AGBL1: variants seen among roughly 807,000 people sequenced by gnomAD.
AGBL1 encodes the protein AGBL carboxypeptidase 1, also known as cytosolic carboxypeptidase 4.
In AGBL1, 130 loss-of-function variants were observed where a neutral mutation model predicts 118.9. The ratio of observed to expected loss-of-function variants is 1.09; its 90% CI spans 0.95 to 1.26. AGBL1 has a LOEUF of 1.26. AGBL1 is among the 50% of genes most tolerant of loss of function. The pLI is 0.00. For missense variants in AGBL1, 1,584 were observed against 1,298.1 expected, an observed-to-expected ratio of 1.22 and a Z score of -3.38; for synonymous variants, 555 against 478.9, an observed-to-expected ratio of 1.16 and a Z score of -2.08.
chr15:86,213,021 A>G (rs12901395), intron 5 of AGBL1, among the ~76,000 whole-genome samples: 3 of 152,170 alleles, frequency 2.0e-5, no homozygotes, highest in African/African-American at 7.2e-5. Context: ...CACTACAAGG[A>G]TTCTGGGAAT....
intron 6 of AGBL1, among the ~76,000 whole-genome samples, chr15:86,236,785 G>T (rs1000331729): frequency 3.9e-5 from 6 of 151,940 alleles, no homozygotes; most frequent in Non-Finnish European, 7.4e-5. Flanking sequence ...GGAGGAGGGG[G>T]TATCTGATTT....
rs577717456 is a variant in AGBL1, at chr15:86,390,936, C to T, written c.2375-6430C>T. Among the ~76,000 whole-genome samples, 238 of 150,814 alleles carry T rather than the reference C, an allele frequency of 1.6e-3. 7 individuals are homozygous for T. In the South Asian group the frequency reaches 0.047, roughly 30 times the overall value. On this transcript the variant is annotated intron_variant, in intron 17 of 22. Transcript: ENST00000614907. ...CTGCCTGCCTTGGCCTCCCACAGTG[C>T]TGGTATTACAGGCGTGAGCCACCGT...
At chr15:86,844,995 A>G (rs2347240) in intron 22 of AGBL1, among the ~76,000 whole-genome samples, 116,765 of 151,994 alleles carry the variant, frequency 0.77, 44,829 homozygotes, top group African/African-American at 0.8. Context: ...AAAATCAGTT[A>G]AGCATATATG....
At chr15:86,887,175 A>G (rs867566388) in intron 22 of AGBL1, among the ~76,000 whole-genome samples, 8 of 152,214 alleles carry the variant, frequency 5.3e-5, no homozygotes, top group Admixed American at 1.3e-4. Flanking sequence ...ATGTAAAGGT[A>G]TATGTGTAAA....
intron 9 of AGBL1, 105 bp downstream of exon 9, chr15:86,258,136 G>T: frequency 8.6e-7 from 1 of 1,165,010 alleles, no homozygotes. Context: ...TTTAAGAACT[G>T]ACTTTAGTAC....
chr15:86,279,594 C>T (rs1419171446), intron 15 of AGBL1, 45 bp from the exon 16 acceptor site: 2 of 1,589,846 alleles, frequency 1.3e-6, no homozygotes, highest in East Asian at 4.5e-5. Context: ...GCACCCCCCT[C>T]CCACCTCTCC....
At chr15:86,302,065 C>T (rs906527399) in intron 17 of AGBL1, among the ~76,000 whole-genome samples, 3 of 152,120 alleles carry the variant, frequency 2.0e-5, no homozygotes, top group East Asian at 1.9e-4. Context: ...TACAAACCCT[C>T]AAGCTGTGTG....
At chr15:86,857,301 C>G (rs8027363) in intron 22 of AGBL1, among the ~76,000 whole-genome samples, 40,838 of 152,016 alleles carry the variant, frequency 0.27, 5,643 homozygotes, top group Admixed American at 0.31. Flanking sequence ...ACTGGCTAAA[C>G]CCATCCATCA....
intron 22 of AGBL1, among the ~76,000 whole-genome samples, chr15:86,814,616 G>C (rs551645714): frequency 1.3e-5 from 2 of 152,168 alleles, no homozygotes; most frequent in Non-Finnish European, 2.9e-5. Flanking sequence ...GTTACTTAGA[G>C]TAAGAGTTGG....
intron 22 of AGBL1, among the ~76,000 whole-genome samples, chr15:86,806,285 CT>C (rs1180129210): frequency 1.3e-5 from 2 of 152,148 alleles, no homozygotes; most frequent in East Asian, 3.9e-4. Context: ...CAGACTGACT[CT>C]GCCAGATCAA....
chr15:86,080,594 G>A (rs1189561207), intron 1 of AGBL1, among the ~76,000 whole-genome samples: 2 of 152,178 alleles, frequency 1.3e-5, no homozygotes, highest in Admixed American at 6.5e-5. Context: ...CTCCCTGGGG[G>A]ATGCTATTCA....
chr15:86,470,014 T>C (rs2082458930), intron 18 of AGBL1, among the ~76,000 whole-genome samples: 1 of 152,184 alleles, frequency 6.6e-6, no homozygotes, highest in Non-Finnish European at 1.5e-5. Flanking sequence ...ATTCCCCCAT[T>C]CTGTAGGTTG....
chr15:86,546,176 A>G (rs370058366), intron 20 of AGBL1, 43 bp downstream of exon 20: 1 of 1,558,448 alleles, frequency 6.4e-7, no homozygotes, highest in Non-Finnish European at 8.7e-7. Flanking sequence ...CTGTGTTCAT[A>G]TTCTTCATTC....
Position 86,389,276 on chromosome 15 carries a change from T to C in AGBL1, c.2375-8090T>C, listed in dbSNP as rs577383201. 2.0e-5 allele frequency among the ~76,000 whole-genome samples: 3 copies of C among 152,288 alleles called. No individual in the cohort carries two copies. In the South Asian group the frequency reaches 6.2e-4, roughly 32 times the overall value. Reference sequence around the variant, plus strand: ...AACAGAAAACAAAAACACACATTTCTATTTCTGAAAATGAGAAGACAAGTT... The same window carrying C: ...AACAGAAAACAAAAACACACATTTCCATTTCTGAAAATGAGAAGACAAGTT... On this transcript the variant is annotated intron_variant, in intron 17 of 22. Transcript: ENST00000614907.
At chr15:86,906,803 T>C (rs975161482) in intron 22 of AGBL1, among the ~76,000 whole-genome samples, 1 of 151,966 alleles carries the variant, frequency 6.6e-6, no homozygotes, top group African/African-American at 2.4e-5. Flanking sequence ...GCCTGCAAAT[T>C]GTTACAACTT....
chr15:86,789,080 G>A (rs2078455326), intron 22 of AGBL1, among the ~76,000 whole-genome samples: 1 of 152,172 alleles, frequency 6.6e-6, no homozygotes, highest in East Asian at 1.9e-4. Context: ...ACATGTGCAA[G>A]GTCAAAGCTT....
In AGBL1 at chr15:86,264,740, T is replaced by C; in HGVS notation, c.1569T>C (p.Ser523=). 6.2e-7 allele frequency: 1 copy of C among 1,614,042 alleles called. No homozygotes were observed. Among genetic ancestry groups the C allele is most frequent in the Non-Finnish European group, 8.5e-7 (1 of 1,179,884 alleles). ...TGGCCAAAGCCAGAAGAACCAGCTC[T>C]GTGGTGGACTTCAAGATGATGGCAT... ...LYMAKARRTS[S]VVDFKMMAFP... is the part of the protein sequence containing the mutation. Residue 523 remains serine, a synonymous_variant, in exon 11 of 23, where the codon TCT becomes TCC. Coordinates refer to ENST00000614907, the MANE Select transcript of AGBL1 (RefSeq NM_001386094.1).
At chr15:86,360,403 C>A (rs2080787004) in intron 17 of AGBL1, among the ~76,000 whole-genome samples, 1 of 151,022 alleles carries the variant, frequency 6.6e-6, no homozygotes. Flanking sequence ...GGGATAAATC[C>A]CACTTGGTCA....
chr15:87,018,792 T>C (rs1267988617), intron 24 of AGBL1, among the ~76,000 whole-genome samples: 1 of 152,090 alleles, frequency 6.6e-6, no homozygotes, highest in Non-Finnish European at 1.5e-5. Flanking sequence ...TAAATGTTAA[T>C]AGGCAAAATG....
Sources: gnomAD v4.1 joint callset for allele counts (sites outside exome capture counted in the v4.1 genomes callset) on GRCh38, gnomAD v4.1.1 for gene constraint, MANE v1.5 for transcripts, NCBI Gene and HGNC (gene_info 2026-07-23, HGNC 2026-07-21) for gene names.